CHRNA7: variants seen among roughly 807,000 people sequenced by gnomAD.
The protein encoded by CHRNA7 is neuronal acetylcholine receptor subunit alpha-7.
A neutral mutation model predicts 48.0 loss-of-function variants in CHRNA7; 17 were observed. The observed-to-expected ratio is 0.35, with a 90% CI of 0.24 to 0.53. CHRNA7 has a LOEUF of 0.53. Among genes scored for constraint, CHRNA7 ranks in the 20% least tolerant of loss-of-function variants. The probability of loss-of-function intolerance (pLI) is 0.92; values close to 1 mark genes in which losing one functional copy is unlikely to be tolerated. For missense variants in CHRNA7, 155 were observed against 577.7 expected (o/e 0.27, Z 7.50); for synonymous variants, 75 against 242.3 (o/e 0.31, Z 6.41).
intron 4 of CHRNA7, among the ~76,000 whole-genome samples, chr15:32,128,764 C>A (rs768114327): frequency 2.6e-5 from 4 of 151,758 alleles, no homozygotes; most frequent in Non-Finnish European, 5.9e-5. Flanking sequence ...ACTTCCTTTA[C>A]TTTCCTGGCT....
In CHRNA7 at chr15:32,101,201, C is replaced by T; in HGVS notation, c.196-102C>T. The T allele has an allele frequency of 2.4e-6, 3 of 1,271,956 alleles. No individual in the cohort carries two copies. In the South Asian group the frequency reaches 4.0e-5, roughly 17 times the overall value. 78.8% of individuals were successfully genotyped at this position (1,271,956 alleles called of 1,614,324 possible). On this transcript the variant is annotated intron_variant, in intron 2 of 9. Coordinates refer to ENST00000306901, the MANE Select transcript of CHRNA7 (RefSeq NM_000746.6). ...CTTGGTGCATTCTAATTTCCACACA[C>T]AACAACGCTCTCGACAGTCAGATCC...
At chr15:32,085,921 G>T (rs890681559) in intron 2 of CHRNA7, among the ~76,000 whole-genome samples, 2 of 152,060 alleles carry the variant, frequency 1.3e-5, no homozygotes, top group African/African-American at 2.4e-5. Context: ...GCCAGTCGTT[G>T]TTACCCTGTG....
At chr15:32,061,868 G>A (rs539826271) in intron 2 of CHRNA7, among the ~76,000 whole-genome samples, 1 of 152,148 alleles carries the variant, frequency 6.6e-6, no homozygotes, top group East Asian at 1.9e-4. Flanking sequence ...AATAAGATGA[G>A]ACCCTCAGTA....
intron 4 of CHRNA7, among the ~76,000 whole-genome samples, chr15:32,144,237 T>C (rs970799206): frequency 6.6e-6 from 1 of 152,218 alleles, no homozygotes; most frequent in African/African-American, 2.4e-5. Flanking sequence ...TGTTGAATAT[T>C]GGCCCCCACT....
At chr15:32,132,817 G>A (rs574920155) in intron 4 of CHRNA7, among the ~76,000 whole-genome samples, 4 of 152,160 alleles carry the variant, frequency 2.6e-5, no homozygotes, top group South Asian at 2.1e-4. Flanking sequence ...CCTCCTTATC[G>A]TTTTTCTTGT....
intron 2 of CHRNA7, among the ~76,000 whole-genome samples, chr15:32,054,802 A>G (rs553341134): frequency 6.6e-6 from 1 of 152,320 alleles, no homozygotes; most frequent in African/African-American, 2.4e-5. Context: ...ATTGATGGCT[A>G]TTTAGATTTC....
At chr15:32,151,067 C>T (rs967025043) in intron 4 of CHRNA7, among the ~76,000 whole-genome samples, 4 of 151,902 alleles carry the variant, frequency 2.6e-5, no homozygotes, top group East Asian at 1.9e-4. Flanking sequence ...AACTTCATCA[C>T]GTTTTTGCTT....
At chr15:32,069,912 G>A (rs1397291246) in intron 2 of CHRNA7, among the ~76,000 whole-genome samples, 2 of 151,582 alleles carry the variant, frequency 1.3e-5, no homozygotes, top group African/African-American at 4.9e-5. Flanking sequence ...ACGCACTCTG[G>A]GCACTTAACT....
chr15:32,102,816 G>T (rs2141263327), intron 3 of CHRNA7: 1 of 152,242 alleles, frequency 6.6e-6, no homozygotes, highest in Admixed American at 6.5e-5. Flanking sequence ...TTAAAGCAAT[G>T]TTACTCAATC....
chr15:32,048,249 C>G (rs7182687), intron 2 of CHRNA7, among the ~76,000 whole-genome samples: 39,991 of 151,986 alleles, frequency 0.26, 6,417 homozygotes, highest in East Asian at 0.61. Context: ...GGAACGGTAC[C>G]AGTTCCTCCT....
At chr15:32,038,413 G>C (rs182870688) in intron 2 of CHRNA7, among the ~76,000 whole-genome samples, 2 of 151,914 alleles carry the variant, frequency 1.3e-5, no homozygotes, top group Admixed American at 1.3e-4. Flanking sequence ...TTCTTTTGTA[G>C]CCTGTTGATG....
chr15:32,106,168 G>C (rs894373363), intron 3 of CHRNA7, among the ~76,000 whole-genome samples: 1 of 152,206 alleles, frequency 6.6e-6, no homozygotes, highest in Non-Finnish European at 1.5e-5. Context: ...GGGTACTGAA[G>C]GCTCTCAGGG....
intron 4 of CHRNA7, among the ~76,000 whole-genome samples, chr15:32,139,067 T>C (rs1170407080): frequency 6.6e-6 from 1 of 152,220 alleles, no homozygotes; most frequent in Non-Finnish European, 1.5e-5. Flanking sequence ...TCTGTTTTGC[T>C]GTCTCCATTG....
chr15:32,103,452 T>A (rs963286852), intron 3 of CHRNA7, among the ~76,000 whole-genome samples: 3 of 151,666 alleles, frequency 2.0e-5, no homozygotes, highest in Admixed American at 2.0e-4. Context: ...TGGATGTGCT[T>A]AAAGCCATTG....
intron 2 of CHRNA7, among the ~76,000 whole-genome samples, chr15:32,082,355 C>T (rs2050230242): frequency 1.2e-4 from 2 of 17,000 alleles, no homozygotes; most frequent in East Asian, 0.062. Flanking sequence ...TTTGTAGTCC[C>T]ATAAGTCTGA....
At chr15:32,094,400 AATAAC>A (rs1198523665) in intron 2 of CHRNA7, among the ~76,000 whole-genome samples, 2 of 152,234 alleles carry the variant, frequency 1.3e-5, no homozygotes, top group Non-Finnish European at 2.9e-5. Flanking sequence ...GAGCCAATAA[AATAAC>A]AGAATAAAAG....
chr15:32,093,993 G>T (rs1334049277), intron 2 of CHRNA7, among the ~76,000 whole-genome samples: 1 of 152,174 alleles, frequency 6.6e-6, no homozygotes, highest in Non-Finnish European at 1.5e-5. Flanking sequence ...CTCTGCCTCA[G>T]TGGCTCTTTG....
In CHRNA7 at chr15:32,146,931, CT is replaced by C. The variant is rs542894350; in HGVS notation, c.351-6973del. 1.4e-4 allele frequency among the ~76,000 whole-genome samples: 22 copies of C among 152,236 alleles called. No homozygotes were observed. The East Asian group carries it at 4.0e-3, about 28-fold the overall frequency. ...AAAGAAAAAGAACCAAGTTGGGGGA[CT>C]TTCTGTGCCAAATGCAACACTTTCA... On this transcript the variant is annotated intron_variant, in intron 4 of 9. Coordinates refer to ENST00000306901, the MANE Select transcript of CHRNA7 (RefSeq NM_000746.6).
At chr15:32,141,261 G>A (rs1382104951) in intron 4 of CHRNA7, among the ~76,000 whole-genome samples, 1 of 152,154 alleles carries the variant, frequency 6.6e-6, no homozygotes, top group Non-Finnish European at 1.5e-5. Flanking sequence ...TGAGGCCTCT[G>A]TTCTCTTCCA....
Sources: allele counts gnomAD v4.1 joint callset (sites outside exome capture counted in the v4.1 genomes callset), GRCh38; gene constraint gnomAD v4.1.1; transcripts MANE v1.5; gene names NCBI Gene and HGNC (gene_info 2026-07-23, HGNC 2026-07-21).